Variants in TTLL11 observed in about 807,000 individuals in gnomAD.
TTLL11 encodes the protein tubulin tyrosine ligase like 11.
A neutral mutation model predicts 51.7 loss-of-function variants in TTLL11; 42 were observed. That is an observed-to-expected ratio of 0.81 (90% CI 0.64 to 1.05). TTLL11 has a LOEUF of 1.05. Among genes scored for constraint, TTLL11 ranks in the 50% least tolerant of loss-of-function variants. TTLL11 has a pLI of 0.00. For missense variants in TTLL11, 799 were observed against 940.4 expected (o/e 0.85, Z 1.97); for synonymous variants, 381 against 383.5 (o/e 0.99, Z 0.08).
Position 121,989,241 on chromosome 9 carries a change from T to C in TTLL11, c.1223A>G (p.Tyr408Cys), listed in dbSNP as rs1843026546. 3 of 1,614,018 alleles carry C rather than the reference T, an allele frequency of 1.9e-6. No individual in the cohort carries two copies. Among genetic ancestry groups the C allele is most frequent in the Non-Finnish European group, 2.5e-6 (3 of 1,179,996 alleles). Residue 408 changes from tyrosine to cysteine, a missense_variant, in exon 4 of 9, where the codon TAC (tyrosine) becomes TGC (cysteine). By Grantham distance (194) the Tyr-to-Cys change is radical (BLOSUM62 -2). Transcript: ENST00000321582. The surrounding 1 kb of genome is among the most constrained non-coding windows in gnomAD (Gnocchi z 4.2). Reference protein sequence around the residue: ...IALTPELKVFYQSDIPTGRPG... With the variant: ...IALTPELKVFCQSDIPTGRPG... ...CCTCCCCGTGGGGATGTCTGACTGGTAGAAGACTTTGAGCTCTGGAGTCAG... is the reference window on the plus strand; with the variant it reads ...CCTCCCCGTGGGGATGTCTGACTGGCAGAAGACTTTGAGCTCTGGAGTCAG...
intron 1 of TTLL11, among the ~76,000 whole-genome samples, chr9:122,080,228 C>T (rs1845967738): frequency 6.6e-6 from 1 of 152,118 alleles, no homozygotes; most frequent in African/African-American, 2.4e-5. Context: ...CAGTATTTGT[C>T]ATTATATTCT....
chr9:121,876,885 G>A (rs1406860807), intron 6 of TTLL11, among the ~76,000 whole-genome samples: 1 of 152,158 alleles, frequency 6.6e-6, no homozygotes, highest in Non-Finnish European at 1.5e-5. Flanking sequence ...AAACCCTGCG[G>A]GTGATTCTGA....
At position 122,093,021 on chromosome 9, in the gene TTLL11, A is replaced by G. The variant is rs1846310083; in HGVS notation, c.128T>C (p.Val43Ala). 2 of 1,532,478 alleles carry G rather than the reference A, an allele frequency of 1.3e-6. No homozygotes were observed. The highest frequency in any genetic ancestry group is 2.8e-5 in the African/African-American group (2 of 71,150). The allele number at this position is 1,532,478 out of a possible 1,614,324, so 94.9% of individuals were successfully genotyped here. Residue 43 changes from valine to alanine, a missense_variant, in exon 1 of 9, where the codon GTG becomes GCG. Around this residue, in one of 3 missense-constraint regions of TTLL11, gnomAD observed 166 missense variants for 161.6 expected, o/e 1.03. Coordinates refer to ENST00000321582, the MANE Select transcript of TTLL11 (RefSeq NM_001139442.2). ...TAETVAEQVR[V>A]DAGAAGEPEC... The stretch of plus-strand genomic sequence containing the variant: ...CGGTTCCCCGGCCGCGCCCGCGTCC[A>G]CGCGGACCTGTTCCGCCACCGTCTC...
At chr9:122,038,576 G>A (rs530058383) in intron 2 of TTLL11, among the ~76,000 whole-genome samples, 2 of 152,194 alleles carry the variant, frequency 1.3e-5, no homozygotes, top group Non-Finnish European at 2.9e-5. Context: ...TTGAACCTGG[G>A]AGGCAGAGGT....
At chr9:122,072,962 C>G (rs1845765505) in intron 1 of TTLL11, among the ~76,000 whole-genome samples, 1 of 152,146 alleles carries the variant, frequency 6.6e-6, no homozygotes, top group African/African-American at 2.4e-5. Flanking sequence ...AAAGTAAGGG[C>G]TTAGAAAATG....
intron 1 of TTLL11, among the ~76,000 whole-genome samples, chr9:122,069,325 C>T (rs907833856): frequency 2.6e-5 from 4 of 152,118 alleles, no homozygotes; most frequent in African/African-American, 4.8e-5. Context: ...CAAAGCAAAG[C>T]GTGCGTGGCC....
chr9:121,900,530 C>T (rs1007521052), intron 6 of TTLL11, among the ~76,000 whole-genome samples: 29 of 152,122 alleles, frequency 1.9e-4, no homozygotes, highest in African/African-American at 6.8e-4. Context: ...TCTTTCGTTT[C>T]TATTCTCATT....
intron 6 of TTLL11, among the ~76,000 whole-genome samples, chr9:121,952,912 C>T (rs1841896172): frequency 6.6e-6 from 1 of 152,132 alleles, no homozygotes; most frequent in African/African-American, 2.4e-5. Flanking sequence ...TATTTTGGCC[C>T]TTATCCTCTT....
chr9:122,087,782 T>C (rs10760208), intron 1 of TTLL11, among the ~76,000 whole-genome samples: 63,865 of 151,978 alleles, frequency 0.42, 15,077 homozygotes, highest in African/African-American at 0.64. Flanking sequence ...CTTCACAGGA[T>C]GGGAAGAAGA....
At chr9:121,893,453 T>A (rs1445691055) in intron 6 of TTLL11, among the ~76,000 whole-genome samples, 1 of 152,154 alleles carries the variant, frequency 6.6e-6, no homozygotes. Flanking sequence ...ATCCTCTGAG[T>A]TAGGTACTAT....
intron 6 of TTLL11, among the ~76,000 whole-genome samples, chr9:121,948,447 G>T (rs886633120): frequency 3.3e-5 from 5 of 152,172 alleles, no homozygotes; most frequent in Non-Finnish European, 7.3e-5. Flanking sequence ...CGATTTGTAG[G>T]TAGCTACTGT....
At chr9:121,916,549 G>A (rs564571511) in intron 6 of TTLL11, among the ~76,000 whole-genome samples, 1 of 152,264 alleles carries the variant, frequency 6.6e-6, no homozygotes, top group South Asian at 2.1e-4. Flanking sequence ...ACACAGTGGC[G>A]ATTTGTGCAA....
intron 8 of TTLL11, among the ~76,000 whole-genome samples, chr9:121,827,887 C>T (rs1262528390): frequency 6.6e-6 from 1 of 152,206 alleles, no homozygotes; most frequent in African/African-American, 2.4e-5. Context: ...CTGGGGTTCC[C>T]CCTGAGAGTC....
chr9:122,012,517 G>A (rs975679407), intron 3 of TTLL11, among the ~76,000 whole-genome samples: 10 of 151,840 alleles, frequency 6.6e-5, no homozygotes, highest in Admixed American at 1.3e-4. Context: ...AAATCAGTAC[G>A]GCAAGGTAGC....
At position 122,028,508 on chromosome 9, in the gene TTLL11, C is replaced by T. The variant is rs181132141; in HGVS notation, c.693+3215G>A. Among the ~76,000 whole-genome samples the T allele has an allele frequency of 3.8e-3, 575 of 152,216 alleles. 3 individuals carry two copies. The highest frequency in any genetic ancestry group is 5.8e-3 in the Non-Finnish European group (392 of 67,990). On this transcript the variant is annotated intron_variant, in intron 3 of 8. Coordinates refer to ENST00000321582, the MANE Select transcript of TTLL11 (RefSeq NM_001139442.2). ...CTGATAAAGGAGTCAAATCATCAAG[C>T]TAATAACGGAGCTTCAAAATGCATG...
At chr9:121,924,365 A>C (rs1840643897) in intron 6 of TTLL11, among the ~76,000 whole-genome samples, 1 of 152,206 alleles carries the variant, frequency 6.6e-6, no homozygotes, top group Non-Finnish European at 1.5e-5. Context: ...GTGATCCCTT[A>C]ACAGCAGGGG....
intron 8 of TTLL11, among the ~76,000 whole-genome samples, chr9:121,854,778 T>A (rs1303741000): frequency 6.9e-6 from 1 of 145,910 alleles, no homozygotes; most frequent in East Asian, 2.1e-4. Context: ...AATAAATGCA[T>A]CTTCACTGAC....
At chr9:121,932,854 C>T (rs1346603792) in intron 6 of TTLL11, among the ~76,000 whole-genome samples, 2 of 152,068 alleles carry the variant, frequency 1.3e-5, no homozygotes, top group South Asian at 4.2e-4. Flanking sequence ...CACATCTCAG[C>T]GATTTCCAAC....
intron 8 of TTLL11, among the ~76,000 whole-genome samples, chr9:121,837,936 T>C (rs1299268175): frequency 6.6e-6 from 1 of 152,190 alleles, no homozygotes; most frequent in Non-Finnish European, 1.5e-5. Flanking sequence ...CTCGCTCTCC[T>C]GCTTCTTGCT....
Sources: gnomAD v4.1 joint callset for allele counts (sites outside exome capture counted in the v4.1 genomes callset) on GRCh38, gnomAD v4.1.1 for gene constraint, gnomAD v4.1.1 regional missense constraint, Gnocchi (gnomAD v3.1) non-coding constraint, MANE v1.5 for transcripts, NCBI Gene and HGNC (gene_info 2026-07-23, HGNC 2026-07-21) for gene names.